Variants in BCAS3 observed in about 807,000 individuals in gnomAD.
BCAS3 encodes the protein BCAS4/BCAS3 fusion.
In BCAS3, 53 loss-of-function variants were observed where a neutral mutation model predicts 116.1. The ratio of observed to expected loss-of-function variants is 0.46; its 90% confidence interval spans 0.37 to 0.57. The LOEUF is 0.57. Among genes scored for constraint, BCAS3 ranks in the 20% least tolerant of loss-of-function variants. The pLI, the probability that BCAS3 is intolerant of heterozygous loss-of-function variation, is 0.00. For synonymous variants in BCAS3, 391 were observed against 408.2 expected (o/e 0.96, Z 0.51); for missense variants, 917 against 1,165.4 (o/e 0.79, Z 3.10).
intron 4 of BCAS3, among the ~76,000 whole-genome samples, chr17:60,708,092 G>A (rs1299295545): frequency 2.6e-5 from 4 of 152,092 alleles, no homozygotes; most frequent in African/African-American, 9.7e-5. Flanking sequence ...GGGAAGCCGA[G>A]GCAGGTGGAT....
chr17:60,742,962 A>G (rs2041712086), intron 5 of BCAS3, among the ~76,000 whole-genome samples: 1 of 151,482 alleles, frequency 6.6e-6, no homozygotes, highest in African/African-American at 2.4e-5. Context: ...AAATACAAAA[A>G]ATTAGCCGGG....
At chr17:60,818,436 G>T (rs2049632152) in intron 7 of BCAS3, among the ~76,000 whole-genome samples, 1 of 152,082 alleles carries the variant, frequency 6.6e-6, no homozygotes, top group Admixed American at 6.6e-5. Context: ...TGTAAATAAG[G>T]GTTATGTTAT....
At chr17:61,317,312 T>C (rs925451916) in intron 22 of BCAS3, among the ~76,000 whole-genome samples, 1 of 152,276 alleles carries the variant, frequency 6.6e-6, no homozygotes, top group East Asian at 1.9e-4. Flanking sequence ...GGACACACAA[T>C]ATACAGTATG....
intron 13 of BCAS3, among the ~76,000 whole-genome samples, chr17:60,930,106 G>T (rs1324493272): frequency 6.6e-6 from 1 of 151,948 alleles, no homozygotes. Flanking sequence ...ATTTAAATTG[G>T]CTTTTTCCAA....
At chr17:61,172,909 A>G (rs2078933981) in intron 22 of BCAS3, among the ~76,000 whole-genome samples, 1 of 151,268 alleles carries the variant, frequency 6.6e-6, no homozygotes, top group South Asian at 2.1e-4. Context: ...CATGGCGTGA[A>G]CCCGGGAGGC....
At chr17:61,089,931 A>G (rs1342527249) in intron 22 of BCAS3, among the ~76,000 whole-genome samples, 1 of 152,178 alleles carries the variant, frequency 6.6e-6, no homozygotes, top group African/African-American at 2.4e-5. Flanking sequence ...TGTCAGAGGC[A>G]TAGAGATGCT....
At chr17:60,982,093 C>T (rs2062849865) in intron 14 of BCAS3, among the ~76,000 whole-genome samples, 1 of 151,878 alleles carries the variant, frequency 6.6e-6, no homozygotes, top group African/African-American at 2.4e-5. Flanking sequence ...TAAGAGTTGC[C>T]TGAAAGAAGG....
Position 61,056,268 on chromosome 17 carries a change from A to G in BCAS3, c.2029+15376A>G, listed in dbSNP as rs2143249944. ...ATGTCCAGAGCTTTACATGGTGTCA[A>G]CTGAAGGACAGCCTTCCGCGAGTTG... On this transcript the variant is annotated intron_variant, in intron 19 of 23. Coordinates refer to ENST00000407086, the MANE Select transcript of BCAS3 (RefSeq NM_017679.5). This position sits in a 1 kb window ranked among gnomAD's most constrained non-coding sequence, Gnocchi z 4.9. Among the ~76,000 whole-genome samples the G allele has an allele frequency of 6.6e-6, 1 of 152,330 alleles. No homozygotes were observed. Among genetic ancestry groups the G allele is most frequent in the East Asian group, 1.9e-4 (1 of 5,188 alleles).
chr17:61,126,387 T>G lies in BCAS3; in HGVS notation c.2425+41823T>G, dbSNP rs1227517642. On this transcript the variant is annotated intron_variant, in intron 22 of 23. Coordinates refer to ENST00000407086, the MANE Select transcript of BCAS3 (RefSeq NM_017679.5). The surrounding 1 kb of genome is among the most constrained non-coding windows in gnomAD (Gnocchi z 4.6). Reference sequence around the variant, plus strand: ...AAAAAAGAGCAGTGTATATGTGTCATGTTATCGCACGTGAACCACTGCCTA... The same window carrying G: ...AAAAAAGAGCAGTGTATATGTGTCAGGTTATCGCACGTGAACCACTGCCTA... 2.6e-5 allele frequency among the ~76,000 whole-genome samples: 4 copies of G among 152,208 alleles called. No individual in the cohort carries two copies. The highest frequency in any genetic ancestry group is 9.6e-5 in the African/African-American group (4 of 41,468).
At chr17:61,335,480 A>G (rs2056647662) in intron 22 of BCAS3, among the ~76,000 whole-genome samples, 1 of 152,190 alleles carries the variant, frequency 6.6e-6, no homozygotes, top group South Asian at 2.1e-4. Flanking sequence ...GCTCTTCTAC[A>G]GCTGCCTCAG....
chr17:61,172,163 T>A (rs1412425897), intron 22 of BCAS3, among the ~76,000 whole-genome samples: 2 of 152,194 alleles, frequency 1.3e-5, no homozygotes, highest in Non-Finnish European at 2.9e-5. Context: ...TAGTTGGAGA[T>A]TCAACATCTC....
In BCAS3 at chr17:61,176,138, C is replaced by CAAA. The variant is rs534042215; in HGVS notation, c.2425+91595_2425+91597dup. Among the ~76,000 whole-genome samples the CAAA allele has an allele frequency of 1.7e-3, 87 of 49,942 alleles. 1 individual carries two copies. The highest frequency in any genetic ancestry group is 2.7e-3 in the African/African-American group (41 of 15,158). The allele number at this position is 49,942 out of a possible 152,430, so 32.8% of individuals were successfully genotyped here. A position where few individuals can be genotyped will look rare whatever the true frequency, so the allele number is the denominator to read the frequency against. On this transcript the variant is annotated intron_variant, in intron 22 of 23. Coordinates refer to ENST00000407086, the MANE Select transcript of BCAS3 (RefSeq NM_017679.5). The stretch of plus-strand genomic sequence containing the variant: ...TGGGAGACAGAGCAAGACCCTATCT[C>CAAA]AAAAAAAAAAAAAAAAAAAAAAAGA...
At chr17:60,918,352 A>G (rs530175461) in intron 12 of BCAS3, among the ~76,000 whole-genome samples, 18 of 152,146 alleles carry the variant, frequency 1.2e-4, no homozygotes, top group Non-Finnish European at 2.5e-4. Context: ...TACATGTGAT[A>G]TTTTGTTATA....
At chr17:60,757,256 A>T (rs12935962) in intron 6 of BCAS3, among the ~76,000 whole-genome samples, 1 of 151,432 alleles carries the variant, frequency 6.6e-6, no homozygotes, top group African/African-American at 2.4e-5. Flanking sequence ...CAGAGGTTGC[A>T]GTGAGCTGAG....
rs1389597579 is a variant in BCAS3 at position 61,214,552 on chromosome 17, G to A, written c.2425+129988G>A. Among the ~76,000 whole-genome samples, 3 of 151,158 alleles carry A rather than the reference G, an allele frequency of 2.0e-5. No homozygotes were observed. The highest frequency in any genetic ancestry group is 4.4e-5 in the Non-Finnish European group (3 of 67,854). On this transcript the variant is annotated intron_variant, in intron 22 of 23. Coordinates refer to ENST00000407086, the MANE Select transcript of BCAS3 (RefSeq NM_017679.5). The surrounding 1 kb of genome is among the most constrained non-coding windows in gnomAD (Gnocchi z 4.4). ...ACCAAAAAAAAAAAATTAGCTGGGC[G>A]TGGCGGCGGGCGCCTGTAGTCCCAG...
intron 5 of BCAS3, among the ~76,000 whole-genome samples, chr17:60,742,133 G>A (rs575170887): frequency 1.3e-5 from 2 of 152,230 alleles, no homozygotes; most frequent in African/African-American, 4.8e-5. Context: ...ATTCTGTTGG[G>A]CACTAAAATG....
intron 22 of BCAS3, among the ~76,000 whole-genome samples, chr17:61,264,650 C>T (rs370163553): frequency 1.8e-4 from 28 of 152,194 alleles, no homozygotes; most frequent in African/African-American, 5.5e-4. Context: ...TCAGATGATC[C>T]ACCCACCTCG....
intron 6 of BCAS3, among the ~76,000 whole-genome samples, chr17:60,798,594 A>C (rs1366059304): frequency 1.3e-5 from 2 of 152,232 alleles, no homozygotes; most frequent in African/African-American, 4.8e-5. Context: ...CTGCTGAAGA[A>C]CATGTTGGTC....
At chr17:61,301,399 C>T (rs572351086) in intron 22 of BCAS3, among the ~76,000 whole-genome samples, 10 of 152,176 alleles carry the variant, frequency 6.6e-5, no homozygotes, top group Admixed American at 3.3e-4. Flanking sequence ...TTTGGGAGGC[C>T]GAGGCGGGTG....
Sources: gnomAD v4.1 joint callset for allele counts (sites outside exome capture counted in the v4.1 genomes callset) on GRCh38, gnomAD v4.1.1 for gene constraint, Gnocchi (gnomAD v3.1) non-coding constraint, MANE v1.5 for transcripts, NCBI Gene and HGNC (gene_info 2026-07-23, HGNC 2026-07-21) for gene names.